The following EEFSEC variants were observed in gnomAD, a reference collection of about 807,000 sequenced individuals.
EEFSEC encodes the protein selenocysteine-specific elongation factor.
A neutral mutation model predicts 42.1 loss-of-function variants in EEFSEC; 43 were observed. The observed-to-expected ratio is 1.02, with a 90% CI of 0.80 to 1.32. The LOEUF is 1.32. Ranked by LOEUF, EEFSEC falls within the 40% of genes most tolerant of loss-of-function variation. EEFSEC has a pLI of 0.00. For synonymous variants in EEFSEC, 354 were observed against 339.1 expected (o/e 1.04, Z -0.48); for missense variants, 745 against 803.6 (o/e 0.93, Z 0.88).
chr3:128,420,321 A>G, the EEFSEC span, among the ~76,000 whole-genome samples: 75 of 152,370 alleles, frequency 4.9e-4, no homozygotes, highest in South Asian at 1.2e-3. Flanking sequence ...AGATGAAAAT[A>G]AAGATTAATT....
Position 128,153,767 on chromosome 3 carries a change from A to G in EEFSEC, c.260A>G (p.Gln87Arg). The change falls in exon 1 of 7, where the codon CAG becomes CGG. Residue 87 changes from glutamine (Q) to arginine (R), a missense_variant. Coordinates refer to ENST00000254730, the MANE Select transcript of EEFSEC (RefSeq NM_021937.5). ...CCCGAGCCCGGCGAGCCACTGCTTCAGGTCACGCTGGTCGACTGCCCCGGG... is the reference window on the plus strand; with the variant it reads ...CCCGAGCCCGGCGAGCCACTGCTTCGGGTCACGCTGGTCGACTGCCCCGGG... ...AEPEPGEPLL[Q>R]VTLVDCPGHA... The G allele has an allele frequency of 6.5e-7, 1 of 1,541,808 alleles. No homozygotes were observed. Among genetic ancestry groups the G allele is most frequent in the Non-Finnish European group, 8.7e-7 (1 of 1,151,622 alleles).
At chr3:128,352,645 G>A (rs982498351) in intron 5 of EEFSEC, among the ~76,000 whole-genome samples, 2 of 152,240 alleles carry the variant, frequency 1.3e-5, no homozygotes, top group African/African-American at 4.8e-5. Context: ...GGGTGCACAG[G>A]CCCTGCATCT....
intron 1 of EEFSEC, among the ~76,000 whole-genome samples, chr3:128,240,233 C>A (rs2066056209): frequency 6.6e-6 from 1 of 152,330 alleles, no homozygotes; most frequent in Non-Finnish European, 1.5e-5. Context: ...GGCCTTGTTA[C>A]AGTTCGACCA....
chr3:128,423,949 G>A, the EEFSEC span, among the ~76,000 whole-genome samples: 1 of 152,252 alleles, frequency 6.6e-6, no homozygotes, highest in African/African-American at 2.4e-5. Context: ...AGCCTTGGTG[G>A]GTAGGGAACA....
chr3:128,225,715 T>C (rs768635295), intron 1 of EEFSEC, among the ~76,000 whole-genome samples: 6 of 152,230 alleles, frequency 3.9e-5, no homozygotes, highest in Non-Finnish European at 8.8e-5. Flanking sequence ...AGACCTCTTC[T>C]GCATCCCCTT....
At chr3:128,225,693 C>T (rs2065901100) in intron 1 of EEFSEC, among the ~76,000 whole-genome samples, 1 of 152,214 alleles carries the variant, frequency 6.6e-6, no homozygotes, top group Non-Finnish European at 1.5e-5. Flanking sequence ...ACTGCACTGT[C>T]CCCTGGCCCC....
chr3:128,385,225 C>T (rs535648460), intron 6 of EEFSEC, among the ~76,000 whole-genome samples: 10 of 152,340 alleles, frequency 6.6e-5, no homozygotes, highest in Admixed American at 2.0e-4. Context: ...CTCAGACCCA[C>T]GATAAGACCC....
chr3:128,287,463 A>G (rs538033919), intron 4 of EEFSEC, among the ~76,000 whole-genome samples: 37 of 152,322 alleles, frequency 2.4e-4, no homozygotes, highest in African/African-American at 8.2e-4. Flanking sequence ...TTTTCTTCCT[A>G]CTAGCCTTGG....
At chr3:128,208,461 T>C (rs1376559052) in intron 1 of EEFSEC, among the ~76,000 whole-genome samples, 2 of 152,206 alleles carry the variant, frequency 1.3e-5, no homozygotes, top group South Asian at 2.1e-4. Flanking sequence ...AGACAAACTC[T>C]ATCTAGTGAG....
chr3:128,197,917 A>T (rs532549805), intron 1 of EEFSEC, among the ~76,000 whole-genome samples: 1 of 152,176 alleles, frequency 6.6e-6, no homozygotes, highest in East Asian at 1.9e-4. Flanking sequence ...ACACATTCAG[A>T]CCCGACTCGT....
chr3:128,279,244 C>T (rs902606257), intron 4 of EEFSEC, among the ~76,000 whole-genome samples: 18 of 152,216 alleles, frequency 1.2e-4, no homozygotes, highest in South Asian at 6.2e-4. Context: ...TCGGGCTGTG[C>T]GGCCACTTAA....
chr3:128,245,305 A>G (rs1280516472), intron 1 of EEFSEC, among the ~76,000 whole-genome samples: 1 of 152,216 alleles, frequency 6.6e-6, no homozygotes, highest in East Asian at 1.9e-4. Context: ...GAGGGAGTCT[A>G]TCAGATGAGT....
chr3:128,243,671 G>A (rs997992515), intron 1 of EEFSEC, among the ~76,000 whole-genome samples: 15 of 152,180 alleles, frequency 9.9e-5, no homozygotes, highest in African/African-American at 3.6e-4. Context: ...ACCTGGGGCA[G>A]GTGTTCTGGG....
At chr3:128,313,453 T>A (rs2066912035) in intron 4 of EEFSEC, among the ~76,000 whole-genome samples, 1 of 152,250 alleles carries the variant, frequency 6.6e-6, no homozygotes, top group Admixed American at 6.5e-5. Context: ...CCAGGCTGCA[T>A]CTTCAGAGCC....
At chr3:128,398,448 C>T (rs988467093) in intron 6 of EEFSEC, among the ~76,000 whole-genome samples, 5 of 152,130 alleles carry the variant, frequency 3.3e-5, no homozygotes, top group African/African-American at 1.2e-4. Context: ...GGAATTGGGA[C>T]CCTGTCTGAG....
intron 6 of EEFSEC, among the ~76,000 whole-genome samples, chr3:128,369,395 C>G (rs2067627362): frequency 6.6e-6 from 1 of 152,266 alleles, no homozygotes; most frequent in African/African-American, 2.4e-5. Flanking sequence ...AATGTGCTCT[C>G]TCCAACCATC....
rs549557874 is a variant in EEFSEC at position 128,349,407 on chromosome 3, C to T, written c.1443+7518C>T. On this transcript the variant is annotated intron_variant, in intron 5 of 6. Transcript: ENST00000254730. The stretch of plus-strand genomic sequence containing the variant: ...CTCTGGGCACCTGGTCGTCTGGAGC[C>T]GCAGAGCTCAATGGTCTGGGAGCCA... Among the ~76,000 whole-genome samples, 108 of 152,306 alleles carry T rather than the reference C, an allele frequency of 7.1e-4. No homozygotes were observed. In the South Asian group the frequency reaches 0.01, roughly 14 times the overall value.
chr3:128,181,845 G>A (rs1489085098), intron 1 of EEFSEC, among the ~76,000 whole-genome samples: 2 of 152,084 alleles, frequency 1.3e-5, no homozygotes, highest in Admixed American at 6.5e-5. Context: ...ACGAAGTCTC[G>A]CTCTATTGCT....
chr3:128,153,767 AG>A lies in EEFSEC; in HGVS notation c.262del (p.Val88SerfsTer25), dbSNP rs746971916. The stretch of plus-strand genomic sequence containing the variant: ...CCCGAGCCCGGCGAGCCACTGCTTC[AG>A]GTCACGCTGGTCGACTGCCCCGGGC... Reference protein sequence around the residue: ...AEPEPGEPLLQVTLVDCPGHA... With the variant: ...AEPEPGEPLLXVTLVDCPGHA... On this transcript the variant is annotated frameshift_variant, in exon 1 of 7. Transcript: ENST00000254730. LOFTEE classifies it high-confidence loss of function. 1.3e-6 allele frequency: 2 copies of A among 1,541,808 alleles called. No individual in the cohort carries two copies. The highest frequency in any genetic ancestry group is 1.7e-6 in the Non-Finnish European group (2 of 1,151,622).
Sources: gnomAD v4.1 joint callset for allele counts (sites outside exome capture counted in the v4.1 genomes callset) on GRCh38, gnomAD v4.1.1 for gene constraint, MANE v1.5 for transcripts, NCBI Gene and HGNC (gene_info 2026-07-23, HGNC 2026-07-21) for gene names.